SUFU: variants seen among roughly 807,000 people sequenced by gnomAD.
SUFU encodes the protein SUFU negative regulator of hedgehog signaling, also known as suppressor of fused homolog.
In SUFU, 7 loss-of-function variants were observed where a neutral mutation model predicts 58.9. The observed-to-expected ratio is 0.12, with a 90% CI of 0.07 to 0.22. The LOEUF (loss-of-function observed/expected upper bound fraction) is 0.22, where lower values mean the gene tolerates loss of function less well. Among genes scored for constraint, SUFU ranks in the 10% least tolerant of loss-of-function variants. The probability of loss-of-function intolerance (pLI) is 1.00; values close to 1 mark genes in which losing one functional copy is unlikely to be tolerated. For synonymous variants in SUFU, 232 were observed against 254.8 expected (o/e 0.91, Z 0.85); for missense variants, 451 against 641.3 (o/e 0.70, Z 3.20).
chr10:102,606,718 C>A (rs560470553), intron 8 of SUFU, among the ~76,000 whole-genome samples: 1 of 152,152 alleles, frequency 6.6e-6, no homozygotes, highest in Admixed American at 6.5e-5. Flanking sequence ...TGCCTGGAAA[C>A]CCCTGAAGGT....
At chr10:102,502,831 T>C (rs796809497), upstream of SUFU, 9 of 609,436 alleles carry the variant, frequency 1.5e-5, no homozygotes, top group African/African-American at 1.7e-4. Flanking sequence ...CTTGCTTTGT[T>C]GCCCGCCTAG....
At chr10:102,518,515 G>GTCTATCTATCTATCTATCTATCTA (rs534274959) in intron 2 of SUFU, among the ~76,000 whole-genome samples, 14 of 114,226 alleles carry the variant, frequency 1.2e-4, no homozygotes, top group East Asian at 6.3e-4. Context: ...CTGTCTGTCT[G>GTCTATCTATCTATCTATCTATCTA]TCTGTCTATC....
chr10:102,622,115 C>G (rs185895226), intron 10 of SUFU, among the ~76,000 whole-genome samples: 1 of 152,180 alleles, frequency 6.6e-6, no homozygotes, highest in African/African-American at 2.4e-5. Context: ...TCCAAGCCCC[C>G]CTCCCTGGCC....
At chr10:102,539,766 A>G (rs2062779018) in intron 2 of SUFU, among the ~76,000 whole-genome samples, 1 of 152,170 alleles carries the variant, frequency 6.6e-6, no homozygotes, top group African/African-American at 2.4e-5. Context: ...TAGGAAAAAC[A>G]ATTGGAGATG....
Position 102,551,859 on chromosome 10 carries a change from C to G in SUFU, c.454+1753C>G, listed in dbSNP as rs555698848. On this transcript the variant is annotated intron_variant, in intron 3 of 11. Coordinates refer to ENST00000369902, the MANE Select transcript of SUFU (RefSeq NM_016169.4). ...CCTGCTTGAGCCTCCCGAGTAGCTGCGACTACAGGTGCCCGCCACCACGCC... is the reference window on the plus strand; with the variant it reads ...CCTGCTTGAGCCTCCCGAGTAGCTGGGACTACAGGTGCCCGCCACCACGCC... Among the ~76,000 whole-genome samples the G allele has an allele frequency of 3.5e-3, 524 of 148,894 alleles. 1 individual carries two copies. Among genetic ancestry groups the G allele is most frequent in the African/African-American group, 0.012 (492 of 40,586 alleles).
At chr10:102,516,616 C>T (rs558812554) in intron 2 of SUFU, among the ~76,000 whole-genome samples, 64 of 152,050 alleles carry the variant, frequency 4.2e-4, no homozygotes, top group Middle Eastern at 6.8e-3. Context: ...GGCACGATCT[C>T]GGCTCACTGC....
intron 2 of SUFU, among the ~76,000 whole-genome samples, chr10:102,541,697 C>CTGTTTTT (rs2062801977): frequency 1.8e-5 from 1 of 56,086 alleles, no homozygotes; most frequent in South Asian, 1.0e-3. Context: ...CCGCGCCCGG[C>CTGTTTTT]TTTTTTTTTT....
At position 102,582,088 on chromosome 10, in the gene SUFU, G is replaced by C. The variant is rs147814287; in HGVS notation, c.455-10494G>C. On this transcript the variant is annotated intron_variant, in intron 3 of 11. Transcript: ENST00000369902. ...AAAGCACGGAATAATCTCAGAGCAC[G>C]CAGAAGAGCACCTGGAGAAAAGGGG... is the stretch of plus-strand genomic sequence containing the variant. Among the ~76,000 whole-genome samples the C allele has an allele frequency of 3.1e-3, 469 of 152,294 alleles. 4 individuals carry two copies. Among genetic ancestry groups the C allele is most frequent in the African/African-American group, 0.011 (451 of 41,566 alleles).
rs955186355 is a variant in SUFU at position 102,632,032 on chromosome 10, A to G, written c.*1877A>G. 4 of 233,186 alleles carry G rather than the reference A, an allele frequency of 1.7e-5. No homozygotes were observed. Among genetic ancestry groups the G allele is most frequent in the Non-Finnish European group, 3.4e-5 (4 of 118,134 alleles). 14.4% of individuals were successfully genotyped at this position (233,186 alleles called of 1,614,324 possible). A position where few individuals can be genotyped will look rare whatever the true frequency, so the allele number is the denominator to read the frequency against. ...GACATTTCACAGGCAGAGAGGTGCCATCAGTTCGCCTCCATTCCTTGCCAC... is the reference window on the plus strand; with the variant it reads ...GACATTTCACAGGCAGAGAGGTGCCGTCAGTTCGCCTCCATTCCTTGCCAC... On this transcript the variant is annotated 3_prime_UTR_variant, in exon 12 of 12. Transcript: ENST00000369902.
At chr10:102,575,888 A>T (rs2063207298) in intron 3 of SUFU, among the ~76,000 whole-genome samples, 1 of 152,010 alleles carries the variant, frequency 6.6e-6, no homozygotes, top group Admixed American at 6.6e-5. Context: ...GCCAGGCTGG[A>T]GTGCAGAGGC....
intron 2 of SUFU, among the ~76,000 whole-genome samples, chr10:102,546,221 C>T (rs1590015704): frequency 6.6e-6 from 1 of 152,222 alleles, no homozygotes; most frequent in African/African-American, 2.4e-5. Context: ...AGCCAGCCTT[C>T]CCCCGGACAC....
chr10:102,604,049 C>T lies in SUFU; in HGVS notation c.1022+4505C>T, dbSNP rs191407904. ...CGAAGGGCAGTGTTGGGTAACCCTG[C>T]TTCAAGGGGTCTCTCCTGTCAGCGC... On this transcript the variant is annotated intron_variant, in intron 8 of 11. Coordinates refer to ENST00000369902, the MANE Select transcript of SUFU (RefSeq NM_016169.4). Among the ~76,000 whole-genome samples the T allele has an allele frequency of 3.0e-3, 450 of 152,354 alleles. 4 individuals are homozygous for T. Among genetic ancestry groups the T allele is most frequent in the African/African-American group, 0.01 (433 of 41,594 alleles).
chr10:102,622,841 A>G (rs1361353984), intron 10 of SUFU, among the ~76,000 whole-genome samples: 1 of 138,688 alleles, frequency 7.2e-6, no homozygotes, highest in Non-Finnish European at 1.6e-5. Context: ...AAAAAAAAAA[A>G]TTAGCTGGGC....
chr10:102,518,426 G>A (rs2062498408), intron 2 of SUFU, among the ~76,000 whole-genome samples: 1 of 152,160 alleles, frequency 6.6e-6, no homozygotes, highest in Admixed American at 6.5e-5. Context: ...GGAATGAAAT[G>A]ATCAAGACTG....
intron 8 of SUFU, among the ~76,000 whole-genome samples, chr10:102,606,042 T>C (rs2063560027): frequency 6.6e-6 from 1 of 152,176 alleles, no homozygotes; most frequent in Non-Finnish European, 1.5e-5. Context: ...TTTAGGCGAA[T>C]GTGAAAAATT....
At chr10:102,553,175 A>G (rs1241014331) in intron 3 of SUFU, among the ~76,000 whole-genome samples, 1 of 152,226 alleles carries the variant, frequency 6.6e-6, no homozygotes, top group African/African-American at 2.4e-5. Flanking sequence ...TAACAGGTAA[A>G]ACAAATCTAC....
rs1363169336 is a variant in SUFU, at chr10:102,617,548, C to T, written c.1296+120C>T. On this transcript the variant is annotated intron_variant, in intron 10 of 11. Transcript: ENST00000369902. This position sits in a 1 kb window ranked among gnomAD's most constrained non-coding sequence, Gnocchi z 4.4. ...CCTGGGGGGCTGGTCATGAATGCCT[C>T]ATGGATTCAGGGCCTGGGGCCTGTG... is the stretch of plus-strand genomic sequence containing the variant. 7 of 1,427,896 alleles carry T rather than the reference C, an allele frequency of 4.9e-6. No homozygotes were observed. The highest frequency in any genetic ancestry group is 4.7e-5 in the South Asian group (4 of 84,356). The allele number at this position is 1,427,896 out of a possible 1,614,324, so 88.5% of individuals were successfully genotyped here.
chr10:102,503,048 G>A (rs138401925), upstream of SUFU, among the ~76,000 whole-genome samples: 2 of 152,274 alleles, frequency 1.3e-5, no homozygotes, highest in African/African-American at 4.8e-5. Flanking sequence ...ATTCATGGAT[G>A]TTTGGATTTT....
At chr10:102,510,895 C>T (rs992563371) in intron 2 of SUFU, among the ~76,000 whole-genome samples, 6 of 151,702 alleles carry the variant, frequency 4.0e-5, no homozygotes, top group South Asian at 2.1e-4. Context: ...TCGAGGCAGG[C>T]GGATCACCTG....
Sources: gnomAD v4.1 joint callset for allele counts (sites outside exome capture counted in the v4.1 genomes callset) on GRCh38, gnomAD v4.1.1 for gene constraint, Gnocchi (gnomAD v3.1) non-coding constraint, MANE v1.5 for transcripts, NCBI Gene and HGNC (gene_info 2026-07-23, HGNC 2026-07-21) for gene names.